Variants in KIAA1217 observed in about 807,000 individuals in gnomAD.
KIAA1217 encodes the protein KIAA1217.
A neutral mutation model predicts 163.9 loss-of-function variants in KIAA1217; 88 were observed. The observed-to-expected ratio is 0.54, with a 90% CI of 0.45 to 0.64. KIAA1217 has a LOEUF of 0.64. Among genes scored for constraint, KIAA1217 ranks in the 30% least tolerant of loss-of-function variants. The probability of loss-of-function intolerance (pLI) is 0.00; values close to 1 mark genes in which losing one functional copy is unlikely to be tolerated. For missense variants in KIAA1217, 2,372 were observed against 2,475.0 expected (o/e 0.96, Z 0.88); for synonymous variants, 903 against 923.1 (o/e 0.98, Z 0.39).
intron 2 of KIAA1217, among the ~76,000 whole-genome samples, chr10:24,309,588 A>G (rs1310273269): frequency 6.6e-6 from 1 of 152,170 alleles, no homozygotes; most frequent in Non-Finnish European, 1.5e-5. Context: ...CAGTTTCTTC[A>G]ACATTGGCAG....
chr10:24,219,594 T>C, intron 1 of KIAA1217, 32 bp from the exon 2 acceptor site: 1 of 1,537,878 alleles, frequency 6.5e-7, no homozygotes, highest in Non-Finnish European at 8.8e-7. Context: ...TGTGAAATCA[T>C]TAATTGTGAA....
chr10:23,884,088 G>A (rs1841070723), intron 1 of KIAA1217, among the ~76,000 whole-genome samples: 2 of 151,872 alleles, frequency 1.3e-5, no homozygotes, highest in Non-Finnish European at 1.5e-5. Context: ...AGATTTTTGT[G>A]TGGCCATTAA....
chr10:24,471,087 A>G (rs2063465385), intron 5 of KIAA1217, among the ~76,000 whole-genome samples: 1 of 152,174 alleles, frequency 6.6e-6, no homozygotes, highest in Non-Finnish European at 1.5e-5. Context: ...TTTGTGATAA[A>G]GAAGCAGTTA....
intron 2 of KIAA1217, among the ~76,000 whole-genome samples, chr10:24,335,793 A>G (rs1274164021): frequency 6.6e-6 from 1 of 151,826 alleles, no homozygotes; most frequent in African/African-American, 2.4e-5. Context: ...AAAATTTTGT[A>G]GACATAAGAG....
intron 1 of KIAA1217, among the ~76,000 whole-genome samples, chr10:23,702,998 G>A (rs766276489): frequency 7.9e-5 from 12 of 151,874 alleles, no homozygotes; most frequent in Non-Finnish European, 1.5e-4. Flanking sequence ...AGCGCTTCTG[G>A]TTGCCTTTTT....
At chr10:23,976,995 G>A (rs1845570167) in intron 1 of KIAA1217, among the ~76,000 whole-genome samples, 1 of 152,164 alleles carries the variant, frequency 6.6e-6, no homozygotes, top group Non-Finnish European at 1.5e-5. Flanking sequence ...CAGAATAACA[G>A]TGAAAAGTTA....
intron 2 of KIAA1217, among the ~76,000 whole-genome samples, chr10:24,027,246 C>T (rs1380861915): frequency 6.6e-6 from 1 of 152,054 alleles, no homozygotes; most frequent in Non-Finnish European, 1.5e-5. Flanking sequence ...GTGTCCCCTC[C>T]CTGCACTATG....
intron 2 of KIAA1217, among the ~76,000 whole-genome samples, chr10:24,287,011 C>T (rs527347944): frequency 6.6e-6 from 1 of 152,234 alleles, no homozygotes; most frequent in South Asian, 2.1e-4. Flanking sequence ...AAGCATCTTG[C>T]CTTTACCTCT....
At chr10:24,351,591 A>G (rs2048468978) in intron 2 of KIAA1217, among the ~76,000 whole-genome samples, 1 of 152,156 alleles carries the variant, frequency 6.6e-6, no homozygotes, top group Non-Finnish European at 1.5e-5. Flanking sequence ...GTTGAGGCAG[A>G]ACTCATGAAA....
intron 1 of KIAA1217, among the ~76,000 whole-genome samples, chr10:23,992,792 A>G (rs1178291349): frequency 6.6e-6 from 1 of 151,590 alleles, no homozygotes; most frequent in Non-Finnish European, 1.5e-5. Context: ...TGACAGAGTC[A>G]CACTATTTAT....
chr10:23,943,697 A>G (rs12356104), intron 1 of KIAA1217, among the ~76,000 whole-genome samples: 30,463 of 152,200 alleles, frequency 0.2, 3,307 homozygotes, highest in Middle Eastern at 0.27. Context: ...AAAATTGGAA[A>G]ATCCATACTA....
chr10:24,059,333 A>C (rs2060634884), intron 2 of KIAA1217, among the ~76,000 whole-genome samples: 1 of 151,738 alleles, frequency 6.6e-6, no homozygotes, highest in South Asian at 2.1e-4. Flanking sequence ...TGGGCCCGCA[A>C]TTTTCTTTCC....
intron 2 of KIAA1217, among the ~76,000 whole-genome samples, chr10:24,318,529 T>C (rs1296489075): frequency 6.6e-6 from 1 of 152,130 alleles, no homozygotes; most frequent in Non-Finnish European, 1.5e-5. Flanking sequence ...ACAATCATGT[T>C]AGTCAGTTCC....
chr10:24,457,236 G>A (rs1009467320), intron 5 of KIAA1217, among the ~76,000 whole-genome samples: 7 of 152,132 alleles, frequency 4.6e-5, no homozygotes, highest in Non-Finnish European at 1.0e-4. Context: ...GTTGGGTTGG[G>A]CATTGAGGGA....
At chr10:24,366,318 G>A (rs183718376) in intron 2 of KIAA1217, among the ~76,000 whole-genome samples, 105 of 152,098 alleles carry the variant, frequency 6.9e-4, no homozygotes, top group African/African-American at 2.4e-3. Flanking sequence ...GGTGGTGGGC[G>A]CCTGTAATCC....
intron 1 of KIAA1217, among the ~76,000 whole-genome samples, chr10:23,852,705 T>A (rs1219536709): frequency 1.3e-5 from 2 of 152,194 alleles, no homozygotes; most frequent in Non-Finnish European, 2.9e-5. Context: ...CAGTGGTTTG[T>A]AGTTCTCCTT....
Position 24,050,776 on chromosome 10 carries a change from T to C in KIAA1217, c.-171+43402T>C, listed in dbSNP as rs185671964. ...AAGGAAAAAGCCAGAGTTAGTTGTT[T>C]TGGTCAAGACTAGAGGTACACTAGT... On this transcript the variant is annotated intron_variant, in intron 2 of 18. Transcript: ENST00000376462. 2.0e-3 allele frequency among the ~76,000 whole-genome samples: 310 copies of C among 152,258 alleles called. 2 individuals carry two copies. Among genetic ancestry groups the C allele is most frequent in the East Asian group, 9.6e-4 (5 of 5,184 alleles).
At chr10:23,794,847 A>G (rs1836123797) in intron 1 of KIAA1217, among the ~76,000 whole-genome samples, 1 of 152,208 alleles carries the variant, frequency 6.6e-6, no homozygotes, top group African/African-American at 2.4e-5. Flanking sequence ...CTGATTGTCA[A>G]AAGGCATTTG....
At chr10:24,117,342 TA>T (rs2063100313) in intron 2 of KIAA1217, among the ~76,000 whole-genome samples, 1 of 152,132 alleles carries the variant, frequency 6.6e-6, no homozygotes, top group Non-Finnish European at 1.5e-5. Flanking sequence ...ATAGTGCTTT[TA>T]AAGGTGAGTT....
Sources: gnomAD v4.1 joint callset for allele counts (sites outside exome capture counted in the v4.1 genomes callset) on GRCh38, gnomAD v4.1.1 for gene constraint, MANE v1.5 for transcripts, NCBI Gene and HGNC (gene_info 2026-07-23, HGNC 2026-07-21) for gene names.